Variants in MED12L observed in about 807,000 individuals in gnomAD.
MED12L encodes mediator of RNA polymerase II transcription subunit 12-like protein.
MED12L carries 60 observed loss-of-function variants against 281.3 expected under a neutral mutation model. The observed-to-expected ratio is 0.21, with a 90% confidence interval of 0.17 to 0.26. The LOEUF is 0.26. Ranked by LOEUF, MED12L falls within the 10% of genes least tolerant of loss-of-function variation. The pLI is 1.00. For synonymous variants in MED12L, 974 were observed against 987.2 expected (o/e 0.99, Z 0.25); for missense variants, 2,146 against 2,680.9 (o/e 0.80, Z 4.41).
intron 39 of MED12L, among the ~76,000 whole-genome samples, chr3:151,403,542 A>G (rs1715945566): frequency 6.6e-6 from 1 of 152,200 alleles, no homozygotes; most frequent in Non-Finnish European, 1.5e-5. Context: ...AGTATGGAGA[A>G]GATTTTTTTT....
chr3:151,251,042 C>T (rs1043748423), intron 16 of MED12L, among the ~76,000 whole-genome samples: 1 of 152,200 alleles, frequency 6.6e-6, no homozygotes, highest in African/African-American at 2.4e-5. Context: ...CTTTGGCATA[C>T]TGCCCTTGTA....
chr3:151,291,678 T>C lies in MED12L; in HGVS notation c.2251-58381T>C, dbSNP rs996596362. Among the ~76,000 whole-genome samples the C allele has an allele frequency of 3.9e-5, 6 of 152,356 alleles. No individual in the cohort carries two copies. In the South Asian group the frequency reaches 1.2e-3, roughly 32 times the overall value. On this transcript the variant is annotated intron_variant, in intron 16 of 44. Coordinates refer to ENST00000687756, the MANE Select transcript of MED12L (RefSeq NM_001393769.1). ...AAAGCAATCAAATGTAATTATTTTATTCAATATTAATAGAGTATTATGTAA... is the reference window on the plus strand; with the variant it reads ...AAAGCAATCAAATGTAATTATTTTACTCAATATTAATAGAGTATTATGTAA...
intron 5 of MED12L, among the ~76,000 whole-genome samples, chr3:151,129,369 T>C (rs1438395390): frequency 6.6e-6 from 1 of 152,136 alleles, no homozygotes; most frequent in Non-Finnish European, 1.5e-5. Flanking sequence ...AAACTGTATT[T>C]TAGAGAAGAA....
chr3:151,204,767 A>AG (rs1396145828), intron 16 of MED12L, among the ~76,000 whole-genome samples: 2 of 152,234 alleles, frequency 1.3e-5, no homozygotes, highest in Non-Finnish European at 2.9e-5. Context: ...CATGGCATGG[A>AG]GAAAAACTGG....
At chr3:151,414,973 C>T (rs1243873242) in intron 42 of MED12L, among the ~76,000 whole-genome samples, 4 of 152,126 alleles carry the variant, frequency 2.6e-5, no homozygotes, top group Non-Finnish European at 5.9e-5. Flanking sequence ...TGAGTACTCA[C>T]TTTCTTAAAT....
At chr3:151,413,434 A>G (rs2276765) in intron 42 of MED12L, 139 bp downstream of exon 42, 344,486 of 1,016,644 alleles carry the variant, frequency 0.34, 62,506 homozygotes, top group Non-Finnish European at 0.37. Flanking sequence ...TAGGAGCTAC[A>G]TTGGTACAAT....
chr3:151,200,359 C>A (rs1005668753), intron 16 of MED12L, among the ~76,000 whole-genome samples: 4 of 152,092 alleles, frequency 2.6e-5, no homozygotes, highest in Non-Finnish European at 5.9e-5. Context: ...TGGTGTGGGT[C>A]CCCCTTTTGC....
chr3:151,213,128 C>T, intron 16 of MED12L: 1 of 529,574 alleles, frequency 1.9e-6, no homozygotes, highest in East Asian at 3.1e-5. Flanking sequence ...GGTATGTTTT[C>T]TTTGATGTTA....
At chr3:151,250,796 G>T (rs1318909387) in intron 16 of MED12L, among the ~76,000 whole-genome samples, 2 of 152,148 alleles carry the variant, frequency 1.3e-5, no homozygotes, top group Admixed American at 6.5e-5. Context: ...AAGCAAAATT[G>T]CTGGATCATG....
chr3:151,111,243 C>T (rs768058215), intron 2 of MED12L, among the ~76,000 whole-genome samples: 2 of 152,206 alleles, frequency 1.3e-5, no homozygotes, highest in African/African-American at 4.8e-5. Flanking sequence ...ATGATACGAA[C>T]AATAGCAGCA....
intron 16 of MED12L, among the ~76,000 whole-genome samples, chr3:151,227,170 T>C (rs1371908677): frequency 6.6e-6 from 1 of 152,252 alleles, no homozygotes; most frequent in Non-Finnish European, 1.5e-5. Flanking sequence ...TAAAATTGGC[T>C]GAATGGTGTG....
At chr3:151,317,436 C>CTTTTATTTTTTT (rs1748414387) in intron 16 of MED12L, among the ~76,000 whole-genome samples, 1 of 58,744 alleles carries the variant, frequency 1.7e-5, no homozygotes, top group African/African-American at 6.4e-5. Flanking sequence ...AATCATATCA[C>CTTTTATTTTTTT]TTTTTTTTTT....
At chr3:151,385,967 C>CA (rs1299807779) in intron 36 of MED12L, among the ~76,000 whole-genome samples, 1 of 151,978 alleles carries the variant, frequency 6.6e-6, no homozygotes, top group East Asian at 1.9e-4. Context: ...GGGAAGTAGA[C>CA]AGACAATTAC....
rs1372443015 is a variant in MED12L, at chr3:151,098,695, G to T, written c.99+11670G>T. On this transcript the variant is annotated intron_variant, in intron 2 of 44. Coordinates refer to ENST00000687756, the MANE Select transcript of MED12L (RefSeq NM_001393769.1). ...GATGATCTCATCCTTAATTACATCT[G>T]TAAAGACCCTTTTTCCAAATGAGGT... 3.9e-5 allele frequency among the ~76,000 whole-genome samples: 6 copies of T among 152,164 alleles called. No individual in the cohort carries two copies. In the East Asian group the frequency reaches 1.2e-3, roughly 29 times the overall value.
At position 151,376,167 on chromosome 3, in the gene MED12L, A is replaced by G. The variant is rs748302789; in HGVS notation, c.4006A>G (p.Thr1336Ala). 2 of 1,606,610 alleles carry G rather than the reference A, an allele frequency of 1.2e-6. No homozygotes were observed. Among genetic ancestry groups the G allele is most frequent in the Non-Finnish European group, 8.5e-7 (1 of 1,177,418 alleles). The change falls in exon 28 of 45, where the codon ACC becomes GCC. Residue 1336 changes from threonine (T) to alanine (A), a missense_variant. Transcript: ENST00000687756. Reference protein sequence around the residue: ...ICYPHGIKECTEGDNLQRQHI... With the variant: ...ICYPHGIKECAEGDNLQRQHI... The stretch of plus-strand genomic sequence containing the variant: ...TTATCCTCATGGCATTAAAGAATGT[A>G]CCGAGGGGGACAATCTGCAAAGACA...
chr3:151,280,369 A>G (rs10935835), intron 16 of MED12L, among the ~76,000 whole-genome samples: 41,131 of 152,066 alleles, frequency 0.27, 5,904 homozygotes, highest in South Asian at 0.31. Flanking sequence ...GATTACTCAC[A>G]ATGGCTCCAT....
intron 16 of MED12L, among the ~76,000 whole-genome samples, chr3:151,256,863 GT>G (rs1275577729): frequency 2.8e-4 from 28 of 98,272 alleles, no homozygotes; most frequent in Admixed American, 5.8e-4. Context: ...TTTTTTTGTT[GT>G]TTTTTTTTTT....
chr3:151,252,898 G>C (rs1920395), intron 16 of MED12L, among the ~76,000 whole-genome samples: 2 of 151,800 alleles, frequency 1.3e-5, no homozygotes, highest in Non-Finnish European at 2.9e-5. Flanking sequence ...TTGATTTAAA[G>C]CAATGACTGT....
Position 151,189,646 on chromosome 3 carries a change from C to T in MED12L, c.1754-1071C>T, listed in dbSNP as rs375994053. Among the ~76,000 whole-genome samples, 4 of 152,296 alleles carry T rather than the reference C, an allele frequency of 2.6e-5. No homozygotes were observed. In the East Asian group the frequency reaches 5.8e-4, roughly 22 times the overall value. The stretch of plus-strand genomic sequence containing the variant: ...GCTCATCACCGAGTTTGGTAGTGAG[C>T]AAGAGGAAACATTTAGGTTCAAGGT... On this transcript the variant is annotated intron_variant, in intron 13 of 44. Transcript: ENST00000687756.
Sources: gnomAD v4.1 joint callset for allele counts (sites outside exome capture counted in the v4.1 genomes callset) on GRCh38, gnomAD v4.1.1 for gene constraint, MANE v1.5 for transcripts, NCBI Gene and HGNC (gene_info 2026-07-23, HGNC 2026-07-21) for gene names.